The following EPSTI1 variants were observed in gnomAD, a reference collection of about 807,000 sequenced individuals.
EPSTI1 encodes epithelial-stromal interaction protein 1.
In EPSTI1, 66 loss-of-function variants were observed where a neutral mutation model predicts 49.9. The observed-to-expected ratio is 1.32, with a 90% CI of 1.08 to 1.62. The LOEUF (loss-of-function observed/expected upper bound fraction) is 1.62. EPSTI1 is among the 40% of genes most tolerant of loss of function. The pLI is 0.00. For missense variants in EPSTI1, 394 were observed against 365.5 expected (o/e 1.08, Z -0.64); for synonymous variants, 137 against 130.7 (o/e 1.05, Z -0.33).
At chr13:42,939,610 C>A (rs1349784536) in intron 6 of EPSTI1, among the ~76,000 whole-genome samples, 3 of 152,134 alleles carry the variant, frequency 2.0e-5, no homozygotes, top group Non-Finnish European at 4.4e-5. Flanking sequence ...TGATTAAATT[C>A]ACTGTCATTT....
chr13:42,927,268 T>C (rs2038214276), intron 6 of EPSTI1, among the ~76,000 whole-genome samples: 1 of 152,232 alleles, frequency 6.6e-6, no homozygotes, highest in Admixed American at 6.5e-5. Flanking sequence ...AATTGTTTCC[T>C]AGTCCTTACC....
rs2036906071 is a variant in EPSTI1, at chr13:42,887,789, A to C, written c.*705T>G. The C allele has an allele frequency of 2.6e-5, 4 of 153,286 alleles. No homozygotes were observed. In the Middle Eastern group the frequency reaches 0.01, roughly 391 times the overall value. 9.5% of individuals were successfully genotyped at this position (153,286 alleles called of 1,614,324 possible). On this transcript the variant is annotated 3_prime_UTR_variant, in exon 11 of 11. Transcript: ENST00000313624. ...GTGTCTAGCTGATGTGTATACAAAC[A>C]TTGGCCTTTCTGGAGATAAACTGTC...
chr13:42,902,777 A>G (rs1289662061), intron 8 of EPSTI1, among the ~76,000 whole-genome samples: 1 of 152,214 alleles, frequency 6.6e-6, no homozygotes, highest in Non-Finnish European at 1.5e-5. Context: ...GATCAGAGAC[A>G]CAGTTTTAGT....
intron 3 of EPSTI1, 73 bp from the exon 4 acceptor site, chr13:42,964,212 A>G: frequency 8.8e-7 from 1 of 1,133,336 alleles, no homozygotes; most frequent in Non-Finnish European, 1.3e-6. Context: ...GGACTAATTA[A>G]TATATAATAA....
rs1406888067 is a variant in EPSTI1 at position 42,966,581 on chromosome 13, G to T, written c.332-2442C>A. Among the ~76,000 whole-genome samples, 2 of 56,226 alleles carry T rather than the reference G, an allele frequency of 3.6e-5. 1 individual carries two copies. Among genetic ancestry groups the T allele is most frequent in the South Asian group, 2.4e-3 (2 of 830 alleles). 36.9% of individuals were successfully genotyped at this position (56,226 alleles called of 152,430 possible). A position where few individuals can be genotyped will look rare whatever the true frequency, so the allele number is the denominator to read the frequency against. On this transcript the variant is annotated intron_variant, in intron 3 of 10. Transcript: ENST00000313624. The stretch of plus-strand genomic sequence containing the variant: ...CGTCTGAGAAGTGAGGAGCCCCTCC[G>T]CCCGGCAGCTGCCCCGTCTGAGAAG...
intron 6 of EPSTI1, among the ~76,000 whole-genome samples, chr13:42,949,338 C>T (rs1012891338): frequency 1.6e-4 from 25 of 152,156 alleles, no homozygotes; most frequent in African/African-American, 6.0e-4. Context: ...GCCTGTAATC[C>T]CAGCACTTTG....
chr13:42,940,323 G>C (rs1021058463), intron 6 of EPSTI1, among the ~76,000 whole-genome samples: 2 of 152,098 alleles, frequency 1.3e-5, no homozygotes, highest in East Asian at 1.9e-4. Flanking sequence ...TGGAAAGTCG[G>C]GTCCTACCTA....
intron 8 of EPSTI1, among the ~76,000 whole-genome samples, chr13:42,901,955 C>G (rs1242640327): frequency 8.1e-6 from 1 of 123,992 alleles, no homozygotes; most frequent in African/African-American, 3.0e-5. Flanking sequence ...GTGTGATGTT[C>G]CCCTTCCTGT....
At chr13:42,988,611 G>A (rs574194537) in intron 1 of EPSTI1, among the ~76,000 whole-genome samples, 1 of 152,066 alleles carries the variant, frequency 6.6e-6, no homozygotes, top group African/African-American at 2.4e-5. Flanking sequence ...TGTGCCTGTG[G>A]TACCAGCTGC....
rs4394974 is a variant in EPSTI1, at chr13:42,955,830, T to A, written c.490-1809A>T. Reference sequence around the variant, plus strand: ...AAGAAAAACAAAAAAAAACAAAAAATGTTTGTTTATGCCTCAGCAGAAGTT... The same window carrying A: ...AAGAAAAACAAAAAAAAACAAAAAAAGTTTGTTTATGCCTCAGCAGAAGTT... On this transcript the variant is annotated intron_variant, in intron 5 of 10. Transcript: ENST00000313624. Among the ~76,000 whole-genome samples, 130 of 143,530 alleles carry A rather than the reference T, an allele frequency of 9.1e-4. 2 individuals are homozygous for A. Among genetic ancestry groups the A allele is most frequent in the African/African-American group, 3.1e-3 (119 of 38,666 alleles). 94.2% of individuals were successfully genotyped at this position (143,530 alleles called of 152,430 possible).
rs915681360 is a variant in EPSTI1, at chr13:42,922,094, T to C, written c.657+4242A>G. On this transcript the variant is annotated intron_variant, in intron 7 of 10. Coordinates refer to ENST00000313624, the MANE Select transcript of EPSTI1 (RefSeq NM_033255.5). This position sits in a 1 kb window ranked among gnomAD's most constrained non-coding sequence, Gnocchi z 4.8. ...TGAGAAAACGTGTATATAGTCATAA[T>C]AGGGAAAGCTCAAATTACTGAATAA... Among the ~76,000 whole-genome samples the C allele has an allele frequency of 6.6e-6, 1 of 152,134 alleles. No individual in the cohort carries two copies.
intron 6 of EPSTI1, among the ~76,000 whole-genome samples, chr13:42,930,990 C>T (rs2038343903): frequency 6.6e-6 from 1 of 152,164 alleles, no homozygotes; most frequent in South Asian, 2.1e-4. Flanking sequence ...AGCTCCCACG[C>T]AATTAGATGT....
Position 42,888,069 on chromosome 13 carries a change from G to A in EPSTI1, c.*425C>T. 1.7e-6 allele frequency: 1 copy of A among 580,822 alleles called. No homozygotes were observed. Among genetic ancestry groups the A allele is most frequent in the South Asian group, 3.3e-5 (1 of 30,078 alleles). 36.0% of individuals were successfully genotyped at this position (580,822 alleles called of 1,614,324 possible). A position where few individuals can be genotyped will look rare whatever the true frequency, so the allele number is the denominator to read the frequency against. On this transcript the variant is annotated 3_prime_UTR_variant, in exon 11 of 11. Transcript: ENST00000313624. ...CTTTTGTACATATTTGTACCATAAA[G>A]AAAGTAGGGATTAAAATCTAAAAAG...
chr13:42,908,483 T>TAAAAAAAAAAAAAAAA (rs1566106781), intron 8 of EPSTI1, among the ~76,000 whole-genome samples: 1 of 61,104 alleles, frequency 1.6e-5, no homozygotes. Context: ...GACTCTGTTA[T>TAAAAAAAAAAAAAAAA]GAAAAAAAAA....
chr13:42,888,144 A>T lies in EPSTI1; in HGVS notation c.*350T>A. ...TCTGAGAATTAGATAAGAATATGTCACTTAGAAAGACAAGCCTGTAGCACC... is the reference window on the plus strand; with the variant it reads ...TCTGAGAATTAGATAAGAATATGTCTCTTAGAAAGACAAGCCTGTAGCACC... On this transcript the variant is annotated 3_prime_UTR_variant, in exon 11 of 11. Transcript: ENST00000313624. 7.5e-7 allele frequency: 1 copy of T among 1,331,254 alleles called. No homozygotes were observed. Among genetic ancestry groups the T allele is most frequent in the Non-Finnish European group, 1.0e-6 (1 of 969,318 alleles). 82.5% of individuals were successfully genotyped at this position (1,331,254 alleles called of 1,614,324 possible).
At chr13:42,974,509 A>AT (rs1348243135) in intron 1 of EPSTI1, among the ~76,000 whole-genome samples, 3 of 140,450 alleles carry the variant, frequency 2.1e-5, no homozygotes, top group Non-Finnish European at 4.7e-5. Flanking sequence ...TACAAAAAAA[A>AT]TTAGCCGGGC....
At chr13:42,929,313 C>T (rs949367895) in intron 6 of EPSTI1, among the ~76,000 whole-genome samples, 2 of 152,188 alleles carry the variant, frequency 1.3e-5, no homozygotes, top group Admixed American at 1.3e-4. Context: ...ACCACTACTT[C>T]TTCACTAATT....
chr13:42,972,056 G>T (rs565712174), intron 1 of EPSTI1, among the ~76,000 whole-genome samples: 1 of 152,160 alleles, frequency 6.6e-6, no homozygotes, highest in Non-Finnish European at 1.5e-5. Context: ...CTACAATCCC[G>T]TGGGTAGTCC....
At chr13:42,952,375 G>C (rs1279253076) in intron 6 of EPSTI1, among the ~76,000 whole-genome samples, 1 of 152,166 alleles carries the variant, frequency 6.6e-6, no homozygotes, top group Non-Finnish European at 1.5e-5. Flanking sequence ...GAGTCCAAGA[G>C]CCCACCAGAA....
Sources: gnomAD v4.1 joint callset for allele counts (sites outside exome capture counted in the v4.1 genomes callset) on GRCh38, gnomAD v4.1.1 for gene constraint, Gnocchi (gnomAD v3.1) non-coding constraint, MANE v1.5 for transcripts, NCBI Gene and HGNC (gene_info 2026-07-23, HGNC 2026-07-21) for gene names.